GREB1: variants seen among roughly 807,000 people sequenced by gnomAD.
The protein encoded by GREB1 is protein GREB1.
GREB1 carries 106 observed loss-of-function variants against 200.7 expected under a neutral mutation model. That is an observed-to-expected ratio of 0.53 (90% CI 0.45 to 0.62). GREB1 has a LOEUF of 0.62. Among genes scored for constraint, GREB1 ranks in the 20% least tolerant of loss-of-function variants. The pLI is 0.00. For synonymous variants in GREB1, 1,132 were observed against 1,092.4 expected (o/e 1.04, Z -0.72); for missense variants, 2,243 against 2,556.8 (o/e 0.88, Z 2.65).
At position 11,625,290 on chromosome 2, in the gene GREB1, C is replaced by G. The variant is rs370370451; in HGVS notation, c.4284C>G (p.His1428Gln). ...AAGATGCCAGCCTGATTTGTTCGCACTATCAGGGTATAAAGAGTGAAGGTC... is the reference window on the plus strand; with the variant it reads ...AAGATGCCAGCCTGATTTGTTCGCAGTATCAGGGTATAAAGAGTGAAGGTC... ...KYEDASLICSHYQGIKSEDRG... is the reference protein window; with the variant it reads ...KYEDASLICSQYQGIKSEDRG... The change falls in exon 24 of 33, where the codon CAC (histidine) becomes CAG (glutamine). Residue 1428 changes from histidine (H) to glutamine (Q), a missense_variant. His to Gln is a conservative substitution (Grantham distance 24). This residue lies in a region of GREB1 where 587 missense variants were observed against 553.1 expected (regional missense o/e 1.06). Transcript: ENST00000381486. The G allele has an allele frequency of 4.3e-6, 7 of 1,614,170 alleles. No homozygotes were observed. The highest frequency in any genetic ancestry group is 5.9e-6 in the Non-Finnish European group (7 of 1,180,002).
At position 11,609,350 on chromosome 2, in the gene GREB1, C is replaced by G. The variant is rs143828809; in HGVS notation, c.2667-1338C>G. On this transcript the variant is annotated intron_variant, in intron 17 of 32. Coordinates refer to ENST00000381486, the MANE Select transcript of GREB1 (RefSeq NM_014668.4). The stretch of plus-strand genomic sequence containing the variant: ...TGATCATGATCTTGGCTTGCCACAA[C>G]CTCCATCTCCTGAGTTCAAGCGATT... Among the ~76,000 whole-genome samples, 868 of 151,838 alleles carry G rather than the reference C, an allele frequency of 5.7e-3. 14 individuals are homozygous for G. The highest frequency in any genetic ancestry group is 0.02 in the African/African-American group (833 of 41,376).
chr2:11,558,936 TC>T (rs1468316628), intron 2 of GREB1, among the ~76,000 whole-genome samples: 5 of 152,140 alleles, frequency 3.3e-5, no homozygotes, highest in Non-Finnish European at 1.5e-5. Flanking sequence ...ACCTACCACC[TC>T]CTTTAGGGGA....
At chr2:11,603,624 T>C (rs1033692586) in intron 17 of GREB1, among the ~76,000 whole-genome samples, 1 of 152,242 alleles carries the variant, frequency 6.6e-6, no homozygotes, top group African/African-American at 2.4e-5. Flanking sequence ...ATCTCTTAGA[T>C]ACTGTTCGGT....
At chr2:11,488,903 C>G (rs6432206) in intron 1 of GREB1, among the ~76,000 whole-genome samples, 1 of 148,336 alleles carries the variant, frequency 6.7e-6, no homozygotes, top group Non-Finnish European at 1.5e-5. Flanking sequence ...TTGAGAAGCC[C>G]TTTATATGAC....
chr2:11,632,801 CG>C (rs974654360), intron 27 of GREB1, 87 bp from the exon 28 acceptor site: 8 of 1,148,212 alleles, frequency 7.0e-6, no homozygotes, highest in African/African-American at 3.1e-5. Context: ...CTTGTCTGGG[CG>C]GCCCCGACAG....
chr2:11,485,259 T>TTATTTTATTTTATATA (rs1368326346), intron 1 of GREB1, among the ~76,000 whole-genome samples: 87 of 124,166 alleles, frequency 7.0e-4, no homozygotes, highest in African/African-American at 2.7e-3. Context: ...TTATTTTATT[T>TTATTTTATTTTATATA]TATATATATA....
rs1376407567 is a variant in GREB1 at position 11,632,935 on chromosome 2, G to A, written c.4863G>A (p.Glu1621=). The stretch of plus-strand genomic sequence containing the variant: ...AGGAGCTGTCCTACCATAACCTGGA[G>A]CTCGAGCGGAACCGGCAGGAGGAGC... ...LIKELSYHNL[E]LERNRQEELG... The change falls in exon 28 of 33, where the codon GAG becomes GAA. Residue 1621 remains glutamate (E), a synonymous_variant. Coordinates refer to ENST00000381486, the MANE Select transcript of GREB1 (RefSeq NM_014668.4). 6.2e-7 allele frequency: 1 copy of A among 1,614,032 alleles called. No individual in the cohort carries two copies. Among genetic ancestry groups the A allele is most frequent in the East Asian group, 2.2e-5 (1 of 44,880 alleles).
chr2:11,630,111 TA>T lies in GREB1; in HGVS notation c.4611+3del. ...CGACTACCCCTCGTGACAGACAAGG[TA>T]CTGGCTCAGAGACCTAGTGGGACAG... On this transcript the variant is annotated splice_donor_region_variant and intron_variant, in intron 26 of 32. Coordinates refer to ENST00000381486, the MANE Select transcript of GREB1 (RefSeq NM_014668.4). 6.2e-7 allele frequency: 1 copy of T among 1,614,046 alleles called. No individual in the cohort carries two copies. Among genetic ancestry groups the T allele is most frequent in the Non-Finnish European group, 8.5e-7 (1 of 1,179,956 alleles).
intron 21 of GREB1, among the ~76,000 whole-genome samples, chr2:11,617,307 C>T (rs978333045): frequency 6.6e-6 from 1 of 152,182 alleles, no homozygotes; most frequent in African/African-American, 2.4e-5. Flanking sequence ...GAAACAGAGG[C>T]CCCGGGCAAG....
At chr2:11,599,004 T>C (rs1422502902) in intron 15 of GREB1, 144 bp downstream of exon 15, 1 of 703,996 alleles carries the variant, frequency 1.4e-6, no homozygotes, top group African/African-American at 1.8e-5. Context: ...CCATGGAGGT[T>C]TCCCACAATC....
intron 19 of GREB1, among the ~76,000 whole-genome samples, chr2:11,612,882 G>T (rs1683062262): frequency 6.6e-6 from 1 of 152,230 alleles, no homozygotes; most frequent in South Asian, 2.1e-4. Context: ...TCTGCAGGTG[G>T]AGTCAGGATT....
chr2:11,595,465 C>A, intron 12 of GREB1, 86 bp downstream of exon 12: 3 of 1,388,528 alleles, frequency 2.2e-6, no homozygotes, highest in East Asian at 2.4e-5. Context: ...CCTCACCCTG[C>A]CTGTGACCTG....
chr2:11,587,039 A>G (rs1163274809), intron 9 of GREB1, among the ~76,000 whole-genome samples: 1 of 152,232 alleles, frequency 6.6e-6, no homozygotes, highest in Non-Finnish European at 1.5e-5. Context: ...GCTTTGAGCC[A>G]GGAACCTCGG....
At chr2:11,488,307 T>C (rs2148399920) in intron 1 of GREB1, among the ~76,000 whole-genome samples, 1 of 152,300 alleles carries the variant, frequency 6.6e-6, no homozygotes, top group Non-Finnish European at 1.5e-5. Flanking sequence ...CCGAGGAGTC[T>C]GTAAGCTCTT....
intron 4 of GREB1, among the ~76,000 whole-genome samples, chr2:11,570,995 A>C (rs1319161177): frequency 6.6e-6 from 1 of 152,032 alleles, no homozygotes; most frequent in Non-Finnish European, 1.5e-5. Flanking sequence ...TCATTTCTAC[A>C]CTTGAGCTGG....
intron 18 of GREB1, 78 bp downstream of exon 18, chr2:11,611,105 T>C: frequency 1.6e-6 from 2 of 1,249,176 alleles, no homozygotes; most frequent in Non-Finnish European, 2.2e-6. Context: ...AGGCAGGGAG[T>C]GTCACGAACC....
At chr2:11,487,835 C>T (rs751691318) in intron 1 of GREB1, among the ~76,000 whole-genome samples, 9 of 152,126 alleles carry the variant, frequency 5.9e-5, no homozygotes, top group Admixed American at 1.3e-4. Context: ...TTTTTGACCA[C>T]GAGTTTACAT....
At chr2:11,623,780 A>C (rs1684202777) in intron 23 of GREB1, among the ~76,000 whole-genome samples, 1 of 151,786 alleles carries the variant, frequency 6.6e-6, no homozygotes. Context: ...AATTTCAGCT[A>C]CTCCAGCCTG....
rs755463111 is a variant in GREB1 at position 11,562,597 on chromosome 2, G to A, written c.277+15G>A. 7 of 1,562,920 alleles carry A rather than the reference G, an allele frequency of 4.5e-6. No individual in the cohort carries two copies. Among genetic ancestry groups the A allele is most frequent in the African/African-American group, 4.2e-5 (3 of 71,318 alleles). ...TACCACAGACGGTGAGCCTCTGCCAGCTCCTGGCCAGGCAGTGCCTGCCAT... is the reference window on the plus strand; with the variant it reads ...TACCACAGACGGTGAGCCTCTGCCAACTCCTGGCCAGGCAGTGCCTGCCAT... On this transcript the variant is annotated intron_variant, in intron 3 of 32. Coordinates refer to ENST00000381486, the MANE Select transcript of GREB1 (RefSeq NM_014668.4).
Sources: allele counts gnomAD v4.1 joint callset (sites outside exome capture counted in the v4.1 genomes callset), GRCh38; gene constraint gnomAD v4.1.1; regional missense constraint gnomAD v4.1.1; transcripts MANE v1.5; gene names NCBI Gene and HGNC (gene_info 2026-07-23, HGNC 2026-07-21).